Variants in ABCD2 observed in about 807,000 individuals in gnomAD.
The protein encoded by ABCD2 is ATP binding cassette subfamily D member 2, also known as ATP-binding cassette sub-family D member 2.
ABCD2 carries 36 observed loss-of-function variants against 70.9 expected under a neutral mutation model. The ratio of observed to expected loss-of-function variants is 0.51; its 90% CI spans 0.39 to 0.67. The LOEUF (loss-of-function observed/expected upper bound fraction) is 0.67, where lower values mean the gene tolerates loss of function less well. Among genes scored for constraint, ABCD2 ranks in the 30% least tolerant of loss-of-function variants. ABCD2 has a pLI of 0.00. For synonymous variants in ABCD2, 304 were observed against 306.9 expected (o/e 0.99, Z 0.10); for missense variants, 729 against 890.2 (o/e 0.82, Z 2.30).
At chr12:39,559,174 A>T (rs1436560785) in intron 9 of ABCD2, among the ~76,000 whole-genome samples, 1 of 152,044 alleles carries the variant, frequency 6.6e-6, no homozygotes, top group African/African-American at 2.4e-5. Context: ...GGAGTTCAAG[A>T]CCAGCCTGAC....
At position 39,570,310 on chromosome 12, in the gene ABCD2, C is replaced by T. The variant is rs140802633; in HGVS notation, c.2003+3406G>A. Reference sequence around the variant, plus strand: ...TTGAGCATAAAGTACAAAGCTGGAGCCATCACACTACCTGGTGTCAAAATA... The same window carrying T: ...TTGAGCATAAAGTACAAAGCTGGAGTCATCACACTACCTGGTGTCAAAATA... On this transcript the variant is annotated intron_variant, in intron 9 of 9. Coordinates refer to ENST00000308666, the MANE Select transcript of ABCD2 (RefSeq NM_005164.4). Among the ~76,000 whole-genome samples, 295 of 152,278 alleles carry T rather than the reference C, an allele frequency of 1.9e-3. 4 individuals carry two copies. The highest frequency in any genetic ancestry group is 6.0e-3 in the African/African-American group (251 of 41,576).
intron 3 of ABCD2, among the ~76,000 whole-genome samples, chr12:39,605,383 T>C (rs1941955937): frequency 1.3e-5 from 2 of 152,118 alleles, no homozygotes; most frequent in African/African-American, 2.4e-5. Context: ...CTGAGCCAAA[T>C]TGATTGTCAA....
intron 8 of ABCD2, among the ~76,000 whole-genome samples, chr12:39,578,651 C>G (rs1484939776): frequency 6.6e-6 from 1 of 151,052 alleles, no homozygotes; most frequent in Non-Finnish European, 1.5e-5. Flanking sequence ...TCCTTAAACT[C>G]AAAAGGCTAT....
chr12:39,587,485 G>T (rs1941681746), intron 6 of ABCD2, among the ~76,000 whole-genome samples: 1 of 152,150 alleles, frequency 6.6e-6, no homozygotes. Context: ...TCCAGATAAT[G>T]CCAAATGTCC....
At chr12:39,549,703 G>A (rs138176550), downstream of ABCD2, among the ~76,000 whole-genome samples, 228 of 151,888 alleles carry the variant, frequency 1.5e-3, no homozygotes, top group African/African-American at 5.4e-3. Context: ...TAATATTTAC[G>A]TTAAAAATAG....
At chr12:39,597,843 C>G (rs539253470) in intron 6 of ABCD2, among the ~76,000 whole-genome samples, 2 of 152,104 alleles carry the variant, frequency 1.3e-5, no homozygotes, top group Non-Finnish European at 2.9e-5. Flanking sequence ...TGTTATGAAA[C>G]TAATTTATCT....
At chr12:39,535,004 C>CT in the ABCD2 span, among the ~76,000 whole-genome samples, 1 of 152,184 alleles carries the variant, frequency 6.6e-6, no homozygotes. Flanking sequence ...CTTGCGCTGT[C>CT]TGACACTGGC....
intron 6 of ABCD2, among the ~76,000 whole-genome samples, chr12:39,597,313 A>G (rs1011107335): frequency 6.6e-6 from 1 of 152,122 alleles, no homozygotes; most frequent in African/African-American, 2.4e-5. Flanking sequence ...GATTGTTAGC[A>G]TACTATAAAA....
intron 8 of ABCD2, among the ~76,000 whole-genome samples, chr12:39,578,895 T>C (rs1941557724): frequency 2.0e-5 from 3 of 152,058 alleles, no homozygotes; most frequent in Admixed American, 2.0e-4. Flanking sequence ...ACCTATTGGA[T>C]TTACACAAGT....
chr12:39,582,212 C>T (rs535591785), intron 7 of ABCD2, among the ~76,000 whole-genome samples: 11 of 152,054 alleles, frequency 7.2e-5, no homozygotes, highest in African/African-American at 2.2e-4. Flanking sequence ...TTTAAAAAGC[C>T]AGGAGTTACC....
chr12:39,578,795 G>A (rs2120612082), intron 8 of ABCD2, among the ~76,000 whole-genome samples: 1 of 151,942 alleles, frequency 6.6e-6, no homozygotes, highest in South Asian at 2.1e-4. Context: ...AAGGGGGAGA[G>A]CATTACTGGT....
At chr12:39,532,536 A>G in the ABCD2 span, among the ~76,000 whole-genome samples, 1 of 152,168 alleles carries the variant, frequency 6.6e-6, no homozygotes, top group Admixed American at 6.5e-5. Flanking sequence ...ATCTTTTTGG[A>G]AGAAGATCTG....
chr12:39,562,841 A>G (rs1202216115), intron 9 of ABCD2, among the ~76,000 whole-genome samples: 1 of 152,130 alleles, frequency 6.6e-6, no homozygotes, highest in East Asian at 1.9e-4. Flanking sequence ...CTGAAACCAA[A>G]CAAAAAGACA....
At chr12:39,565,776 A>T (rs576032876) in intron 9 of ABCD2, among the ~76,000 whole-genome samples, 108 of 152,296 alleles carry the variant, frequency 7.1e-4, no homozygotes, top group African/African-American at 2.5e-3. Context: ...TGTCATAGAT[A>T]GCTCTAATTA....
intron 6 of ABCD2, among the ~76,000 whole-genome samples, 163 bp downstream of exon 6, chr12:39,600,408 A>C (rs1941880353): frequency 6.6e-6 from 1 of 152,210 alleles, no homozygotes; most frequent in South Asian, 2.1e-4. Context: ...TATTACAATC[A>C]AAGCAGTAAT....
intron 7 of ABCD2, among the ~76,000 whole-genome samples, chr12:39,581,827 C>CT: frequency 6.6e-6 from 1 of 152,292 alleles, no homozygotes; most frequent in South Asian, 2.1e-4. Flanking sequence ...AATCAAAACT[C>CT]TGAGTCATAA....
intron 8 of ABCD2, among the ~76,000 whole-genome samples, chr12:39,576,102 T>A (rs1381991597): frequency 6.6e-6 from 1 of 152,180 alleles, no homozygotes; most frequent in Non-Finnish European, 1.5e-5. Context: ...CCAAACAGAT[T>A]CAGGGTGATA....
chr12:39,618,089 A>G (rs1055219906), intron 1 of ABCD2, among the ~76,000 whole-genome samples: 5 of 151,424 alleles, frequency 3.3e-5, no homozygotes, highest in Admixed American at 1.3e-4. Flanking sequence ...TTGTCAAAGT[A>G]CAGTGCTGAA....
chr12:39,587,220 G>A (rs1941678101), intron 6 of ABCD2, among the ~76,000 whole-genome samples: 2 of 152,208 alleles, frequency 1.3e-5, no homozygotes, highest in African/African-American at 2.4e-5. Context: ...CTAAGCAGCT[G>A]TAATAAAAGG....
Sources: gnomAD v4.1 joint callset for allele counts (sites outside exome capture counted in the v4.1 genomes callset) on GRCh38, gnomAD v4.1.1 for gene constraint, MANE v1.5 for transcripts, NCBI Gene and HGNC (gene_info 2026-07-23, HGNC 2026-07-21) for gene names.